The following NSMCE2 variants were observed in gnomAD, a reference collection of about 807,000 sequenced individuals.
NSMCE2 encodes the protein E3 SUMO-protein ligase NSE2.
A neutral mutation model predicts 23.8 loss-of-function variants in NSMCE2; 24 were observed. The observed-to-expected ratio is 1.01, with a 90% CI of 0.73 to 1.42. The LOEUF is 1.42. Ranked by LOEUF, NSMCE2 falls within the 40% of genes most tolerant of loss-of-function variation. The pLI is 0.00. For synonymous variants in NSMCE2, 92 were observed against 94.1 expected, an observed-to-expected ratio of 0.98 and a Z score of 0.13; for missense variants, 284 against 296.5, an observed-to-expected ratio of 0.96 and a Z score of 0.31.
Position 125,357,814 on chromosome 8 carries a change from G to C in NSMCE2, c.622G>C (p.Ala208Pro). The change falls in exon 7 of 8, where the codon GCC becomes CCC. Residue 208 changes from alanine (A) to proline (P), a missense_variant. Coordinates refer to ENST00000287437, the MANE Select transcript of NSMCE2 (RefSeq NM_173685.4). Reference sequence around the variant, plus strand: ...GTCCAGGCAAAAGCGGAAGAAAAAGGCCTAGTGAGTGGACGCAGGGAAGGA... The same window carrying C: ...GTCCAGGCAAAAGCGGAAGAAAAAGCCCTAGTGAGTGGACGCAGGGAAGGA... ...IESRQKRKKK[A>P]YCPQIGCSHT... 2 of 1,610,416 alleles carry C rather than the reference G, an allele frequency of 1.2e-6. No individual in the cohort carries two copies. The highest frequency in any genetic ancestry group is 1.7e-6 in the Non-Finnish European group (2 of 1,176,598).
intron 3 of NSMCE2, among the ~76,000 whole-genome samples, chr8:125,126,293 A>T (rs1038838014): frequency 2.6e-5 from 4 of 150,946 alleles, no homozygotes; most frequent in Admixed American, 2.0e-4. Context: ...AATCACTTCA[A>T]CCCAGAGGCA....
chr8:125,147,654 G>T (rs922695566), intron 3 of NSMCE2, among the ~76,000 whole-genome samples: 2 of 152,076 alleles, frequency 1.3e-5, no homozygotes, highest in African/African-American at 4.8e-5. Context: ...GAAAGAGTGG[G>T]AGAATTTTGA....
At chr8:125,304,982 AGAGG>A (rs1410352712) in intron 5 of NSMCE2, among the ~76,000 whole-genome samples, 4 of 150,886 alleles carry the variant, frequency 2.7e-5, no homozygotes, top group Admixed American at 1.3e-4. Flanking sequence ...AGGAAAGGAA[AGAGG>A]GAGGGAGGGA....
In NSMCE2 at chr8:125,289,809, C is replaced by T. The variant is rs557708296; in HGVS notation, c.419-67410C>T. Among the ~76,000 whole-genome samples the T allele has an allele frequency of 3.3e-5, 5 of 152,280 alleles. No individual in the cohort carries two copies. The South Asian group carries it at 1.0e-3, about 32-fold the overall frequency. ...TAGGTGCATTCAAATTCTGGTGTCT[C>T]CAGTTAGCAGTTGTTAATCACACTA... On this transcript the variant is annotated intron_variant, in intron 5 of 7. Transcript: ENST00000287437.
chr8:125,107,627 C>T (rs1586436186), intron 3 of NSMCE2, among the ~76,000 whole-genome samples: 1 of 152,140 alleles, frequency 6.6e-6, no homozygotes, highest in South Asian at 2.1e-4. Context: ...GCAGTTTTTT[C>T]CACAATTGCT....
intron 5 of NSMCE2, among the ~76,000 whole-genome samples, chr8:125,290,081 C>T (rs1463174332): frequency 1.3e-5 from 2 of 152,062 alleles, no homozygotes; most frequent in African/African-American, 2.4e-5. Flanking sequence ...AAATGGGGAA[C>T]TTCTAGACAA....
chr8:125,205,507 G>C (rs527700773), intron 5 of NSMCE2, among the ~76,000 whole-genome samples: 42 of 152,110 alleles, frequency 2.8e-4, no homozygotes, highest in Non-Finnish European at 5.1e-4. Flanking sequence ...TGCATCCCAG[G>C]AGACACACTG....
intron 7 of NSMCE2, among the ~76,000 whole-genome samples, chr8:125,361,723 G>A (rs1813561237): frequency 6.6e-6 from 1 of 152,202 alleles, no homozygotes; most frequent in South Asian, 2.1e-4. Flanking sequence ...ACAAATAGCT[G>A]TAGGGTTGTT....
intron 7 of NSMCE2, among the ~76,000 whole-genome samples, chr8:125,365,868 A>G (rs979702434): frequency 1.3e-5 from 2 of 152,100 alleles, no homozygotes. Context: ...AAATAAATAA[A>G]TTAATTAAAT....
At chr8:125,248,713 A>G (rs1325199036) in intron 5 of NSMCE2, among the ~76,000 whole-genome samples, 1 of 152,258 alleles carries the variant, frequency 6.6e-6, no homozygotes, top group Non-Finnish European at 1.5e-5. Context: ...AAGTCCAGCT[A>G]TGCTAATGAG....
intron 5 of NSMCE2, among the ~76,000 whole-genome samples, chr8:125,317,675 C>T (rs1351036577): frequency 6.6e-6 from 1 of 152,162 alleles, no homozygotes; most frequent in Non-Finnish European, 1.5e-5. Flanking sequence ...ACACTATTAT[C>T]TGATTCCAGG....
At chr8:125,230,323 C>G (rs1177031877) in intron 5 of NSMCE2, among the ~76,000 whole-genome samples, 2 of 152,202 alleles carry the variant, frequency 1.3e-5, no homozygotes, top group Admixed American at 6.5e-5. Context: ...TACCCAGAAC[C>G]CTTTCAATTT....
intron 5 of NSMCE2, among the ~76,000 whole-genome samples, chr8:125,256,922 CAAAAAAAAAAAAAAAAAAAA>C (rs60308659): frequency 7.3e-4 from 19 of 26,060 alleles, no homozygotes; most frequent in South Asian, 5.3e-3. Context: ...GACTCTGTGT[CAAAAAAAAAAAAAAAAAAAA>C]AAAAAAAAAA....
chr8:125,115,305 G>T (rs1255792981), intron 3 of NSMCE2, among the ~76,000 whole-genome samples: 1 of 152,200 alleles, frequency 6.6e-6, no homozygotes, highest in African/African-American at 2.4e-5. Flanking sequence ...TGACATTGAA[G>T]CAAATTTGCA....
intron 5 of NSMCE2, among the ~76,000 whole-genome samples, chr8:125,182,957 A>G (rs1822899593): frequency 6.6e-6 from 1 of 152,220 alleles, no homozygotes; most frequent in South Asian, 2.1e-4. Flanking sequence ...CATATGGTCC[A>G]CATACCAATT....
intron 4 of NSMCE2, among the ~76,000 whole-genome samples, chr8:125,168,629 T>A (rs1822017366): frequency 6.6e-6 from 1 of 152,176 alleles, no homozygotes; most frequent in African/African-American, 2.4e-5. Flanking sequence ...TGGGGCCTCT[T>A]TTATGATGGC....
intron 5 of NSMCE2, among the ~76,000 whole-genome samples, chr8:125,293,130 A>AC (rs1328786616): frequency 6.6e-6 from 1 of 152,132 alleles, no homozygotes; most frequent in Non-Finnish European, 1.5e-5. Context: ...AATAGCTTAC[A>AC]CTGTTGAGCA....
At position 125,323,739 on chromosome 8, in the gene NSMCE2, CAT is replaced by C. The variant is rs772867512; in HGVS notation, c.419-33478_419-33477del. 3.0e-4 allele frequency among the ~76,000 whole-genome samples: 46 copies of C among 152,228 alleles called. 1 individual carries two copies. The highest frequency in any genetic ancestry group is 1.3e-3 in the Admixed American group (20 of 15,290). Reference sequence around the variant, plus strand: ...AAACTATAGAAGCCCTAGAAGAAAACATAGGAGAAACTGTGACCTTGGTTTAG... The same window carrying C: ...AAACTATAGAAGCCCTAGAAGAAAACAGGAGAAACTGTGACCTTGGTTTAG... On this transcript the variant is annotated intron_variant, in intron 5 of 7. Coordinates refer to ENST00000287437, the MANE Select transcript of NSMCE2 (RefSeq NM_173685.4).
intron 5 of NSMCE2, among the ~76,000 whole-genome samples, chr8:125,347,578 A>G (rs1812831659): frequency 6.6e-6 from 1 of 152,250 alleles, no homozygotes; most frequent in South Asian, 2.1e-4. Flanking sequence ...ATGCAAGTCT[A>G]GTTGAGTTAG....
Sources: allele counts gnomAD v4.1 joint callset (sites outside exome capture counted in the v4.1 genomes callset), GRCh38; gene constraint gnomAD v4.1.1; transcripts MANE v1.5; gene names NCBI Gene and HGNC (gene_info 2026-07-23, HGNC 2026-07-21).